Variants in ZDHHC17 observed in about 807,000 individuals in gnomAD.
ZDHHC17 encodes the protein zDHHC palmitoyltransferase 17, also known as palmitoyltransferase ZDHHC17.
A neutral mutation model predicts 90.3 loss-of-function variants in ZDHHC17; 40 were observed. The ratio of observed to expected loss-of-function variants is 0.44; its 90% CI spans 0.34 to 0.58. The LOEUF (loss-of-function observed/expected upper bound fraction) is 0.58. ZDHHC17 is among the 20% of genes least tolerant of loss of function. The probability of loss-of-function intolerance (pLI) is 0.01; values close to 1 mark genes in which losing one functional copy is unlikely to be tolerated. For synonymous variants in ZDHHC17, 235 were observed against 252.4 expected, an observed-to-expected ratio of 0.93 and a Z score of 0.65; for missense variants, 614 against 780.8, an observed-to-expected ratio of 0.79 and a Z score of 2.55.
chr12:76,805,268 T>C (rs1256509212), intron 2 of ZDHHC17, 49 bp from the exon 3 acceptor site: 7 of 1,463,930 alleles, frequency 4.8e-6, no homozygotes, highest in Non-Finnish European at 6.5e-6. Flanking sequence ...TTTTTAACTT[T>C]ACATTTCTTG....
chr12:76,793,268 C>T (rs930325390), intron 1 of ZDHHC17, among the ~76,000 whole-genome samples: 5 of 152,186 alleles, frequency 3.3e-5, no homozygotes, highest in African/African-American at 1.2e-4. Context: ...TGCCTGTAAT[C>T]CCAGCACTTT....
intron 2 of ZDHHC17, among the ~76,000 whole-genome samples, chr12:76,804,400 G>C (rs1200549417): frequency 6.6e-6 from 1 of 152,222 alleles, no homozygotes; most frequent in African/African-American, 2.4e-5. Flanking sequence ...GGACCAAAAG[G>C]GTTCAAATGA....
At chr12:76,812,318 T>G (rs181041893) in intron 5 of ZDHHC17, among the ~76,000 whole-genome samples, 3 of 152,140 alleles carry the variant, frequency 2.0e-5, no homozygotes, top group Admixed American at 6.6e-5. Context: ...CTGCACTAGT[T>G]TTTTTTTGCT....
chr12:76,788,190 G>T (rs1952714323), intron 1 of ZDHHC17, among the ~76,000 whole-genome samples: 1 of 152,162 alleles, frequency 6.6e-6, no homozygotes. Flanking sequence ...AGTCTCCTTG[G>T]CAGATGGAAA....
intron 14 of ZDHHC17, among the ~76,000 whole-genome samples, chr12:76,847,598 A>G (rs1346210469): frequency 6.6e-6 from 1 of 152,208 alleles, no homozygotes; most frequent in African/African-American, 2.4e-5. Flanking sequence ...CATTGCCTAT[A>G]ATCCCAAAAC....
intron 1 of ZDHHC17, among the ~76,000 whole-genome samples, chr12:76,785,274 T>A (rs1417490200): frequency 6.6e-6 from 1 of 152,206 alleles, no homozygotes; most frequent in Non-Finnish European, 1.5e-5. Flanking sequence ...CTAGATGATA[T>A]CATCATTTAC....
At position 76,808,564 on chromosome 12, in the gene ZDHHC17, G is replaced by A. The variant is rs530003410; in HGVS notation, c.321-479G>A. Among the ~76,000 whole-genome samples, 76 of 152,168 alleles carry A rather than the reference G, an allele frequency of 5.0e-4. 1 individual carries two copies. The highest frequency in any genetic ancestry group is 1.6e-3 in the African/African-American group (68 of 41,520). Reference sequence around the variant, plus strand: ...TGCTATTTCCTTTTCAAGCAACATGGCTTTAAAGGCACAAGAAATAACAAG... The same window carrying A: ...TGCTATTTCCTTTTCAAGCAACATGACTTTAAAGGCACAAGAAATAACAAG... On this transcript the variant is annotated intron_variant, in intron 3 of 16. Coordinates refer to ENST00000426126, the MANE Select transcript of ZDHHC17 (RefSeq NM_015336.4).
chr12:76,804,373 C>T (rs1475295311), intron 2 of ZDHHC17, among the ~76,000 whole-genome samples: 2 of 152,156 alleles, frequency 1.3e-5, no homozygotes, highest in Non-Finnish European at 2.9e-5. Context: ...TAGTAAATGA[C>T]TTCTAGAGTG....
rs900491765 is a variant in ZDHHC17 at position 76,815,047 on chromosome 12, T to C, written c.544-99T>C. 4 of 704,914 alleles carry C rather than the reference T, an allele frequency of 5.7e-6. No homozygotes were observed. The Admixed American group carries it at 8.3e-5, about 15-fold the overall frequency. 43.7% of individuals were successfully genotyped at this position (704,914 alleles called of 1,614,324 possible). On this transcript the variant is annotated intron_variant, in intron 5 of 16. Transcript: ENST00000426126. ...TTATCCTTGATTGAGTAGTATTATA[T>C]TCGCTTCTCCTTTTATATATAGATT...
intron 13 of ZDHHC17, 50 bp from the exon 14 acceptor site, chr12:76,846,546 C>G (rs1437362990): frequency 2.8e-6 from 4 of 1,423,170 alleles, no homozygotes; most frequent in Admixed American, 3.7e-5. Flanking sequence ...GGTGCATTAC[C>G]CGTTGTTTTT....
At position 76,804,691 on chromosome 12, in the gene ZDHHC17, A is replaced by G. The variant is rs117927031; in HGVS notation, c.198-626A>G. 5.4e-4 allele frequency among the ~76,000 whole-genome samples: 82 copies of G among 152,316 alleles called. No individual in the cohort carries two copies. In the East Asian group the frequency reaches 0.015, roughly 28 times the overall value. Reference sequence around the variant, plus strand: ...TAATAAAACTTAGGCGGCGTCTGGGAAGATTGCAACCCCATAGTACTCGAC... The same window carrying G: ...TAATAAAACTTAGGCGGCGTCTGGGGAGATTGCAACCCCATAGTACTCGAC... On this transcript the variant is annotated intron_variant, in intron 2 of 16. Coordinates refer to ENST00000426126, the MANE Select transcript of ZDHHC17 (RefSeq NM_015336.4).
rs576913425 is a variant in ZDHHC17 at position 76,805,297 on chromosome 12, A to G, written c.198-20A>G. ...TTTCTTGTTAAATAATAACAATGCC[A>G]TATTTTCTTTCTTTTCTAGATATGG... On this transcript the variant is annotated intron_variant, in intron 2 of 16. Coordinates refer to ENST00000426126, the MANE Select transcript of ZDHHC17 (RefSeq NM_015336.4). 1.8e-5 allele frequency: 28 copies of G among 1,569,024 alleles called. 1 individual carries two copies. The East Asian group carries it at 4.4e-4, about 25-fold the overall frequency.
intron 6 of ZDHHC17, among the ~76,000 whole-genome samples, 168 bp from the exon 7 acceptor site, chr12:76,815,689 T>G (rs1222103073): frequency 6.6e-6 from 1 of 151,974 alleles, no homozygotes; most frequent in African/African-American, 2.4e-5. Flanking sequence ...ACTTAATACT[T>G]CATATTAGAA....
At chr12:76,802,554 A>G (rs1010641035) in intron 2 of ZDHHC17, among the ~76,000 whole-genome samples, 1 of 152,040 alleles carries the variant, frequency 6.6e-6, no homozygotes, top group African/African-American at 2.4e-5. Flanking sequence ...AACTTCCACA[A>G]TGTGTGTGTT....
At chr12:76,784,037 G>T (rs1358851599) in intron 1 of ZDHHC17, among the ~76,000 whole-genome samples, 2 of 152,184 alleles carry the variant, frequency 1.3e-5, no homozygotes, top group South Asian at 2.1e-4. Context: ...CTGACCTCTA[G>T]AACTATAAGA....
chr12:76,808,119 C>T (rs1315105951), intron 3 of ZDHHC17, among the ~76,000 whole-genome samples: 1 of 152,080 alleles, frequency 6.6e-6, no homozygotes, highest in Admixed American at 6.5e-5. Flanking sequence ...GAATTAAACA[C>T]ATAAGCATGA....
chr12:76,799,470 T>C (rs149510528), intron 2 of ZDHHC17, among the ~76,000 whole-genome samples: 91 of 152,334 alleles, frequency 6.0e-4, no homozygotes, highest in Middle Eastern at 3.4e-3. Flanking sequence ...TTATTACAAC[T>C]TGCTGAGGAC....
intron 1 of ZDHHC17, among the ~76,000 whole-genome samples, chr12:76,786,324 C>G (rs1376943636): frequency 6.6e-6 from 1 of 151,824 alleles, no homozygotes; most frequent in African/African-American, 2.4e-5. Context: ...CTCTGTCGTC[C>G]AGGCTGTAGT....
chr12:76,848,328 T>C lies in ZDHHC17; in HGVS notation c.1603T>C (p.Phe535Leu). The change falls in exon 15 of 17, where the codon TTC (phenylalanine) becomes CTC (leucine). Residue 535 changes from phenylalanine to leucine, a missense_variant. Coordinates refer to ENST00000426126, the MANE Select transcript of ZDHHC17 (RefSeq NM_015336.4). Reference sequence around the variant, plus strand: ...GTGTTCACCTTGGATGTTTTGGATGTTCCTGAACAGTGTTTTCCACTTCAT... The same window carrying C: ...GTGTTCACCTTGGATGTTTTGGATGCTCCTGAACAGTGTTTTCCACTTCAT... ...ATCSPWMFWM[F>L]LNSVFHFMWV... 1 of 1,613,970 alleles carries C rather than the reference T, an allele frequency of 6.2e-7. No individual in the cohort carries two copies. Among genetic ancestry groups the C allele is most frequent in the Non-Finnish European group, 8.5e-7 (1 of 1,179,868 alleles).
Sources: allele counts gnomAD v4.1 joint callset (sites outside exome capture counted in the v4.1 genomes callset), GRCh38; gene constraint gnomAD v4.1.1; transcripts MANE v1.5; gene names NCBI Gene and HGNC (gene_info 2026-07-23, HGNC 2026-07-21).